SERPINB9: variants seen among roughly 807,000 people sequenced by gnomAD.
SERPINB9 encodes serpin B9.
SERPINB9 carries 20 observed loss-of-function variants against 27.2 expected under a neutral mutation model. The observed-to-expected ratio is 0.74, with a 90% CI of 0.52 to 1.07. The LOEUF (loss-of-function observed/expected upper bound fraction) is 1.07. Ranked by LOEUF, SERPINB9 falls within the 50% of genes least tolerant of loss-of-function variation. SERPINB9 has a pLI of 0.00. For synonymous variants in SERPINB9, 189 were observed against 180.0 expected, an observed-to-expected ratio of 1.05 and a Z score of -0.40; for missense variants, 476 against 460.1, an observed-to-expected ratio of 1.03 and a Z score of -0.32.
chr6:2,893,221 A>ATATAAT (rs1373009283), intron 5 of SERPINB9, among the ~76,000 whole-genome samples, 190 bp downstream of exon 5: 18 of 141,106 alleles, frequency 1.3e-4, no homozygotes, highest in East Asian at 4.0e-4. Context: ...ACGTATATAT[A>ATATAAT]ATATATATAT....
At chr6:2,892,900 G>A (rs1390561436) in intron 5 of SERPINB9, among the ~76,000 whole-genome samples, 1 of 151,746 alleles carries the variant, frequency 6.6e-6, no homozygotes, top group East Asian at 1.9e-4. Flanking sequence ...TTAAAAAGCT[G>A]TAAATACTGA....
intron 1 of SERPINB9, among the ~76,000 whole-genome samples, chr6:2,901,549 G>A (rs1224437974): frequency 1.3e-5 from 2 of 152,214 alleles, no homozygotes; most frequent in Non-Finnish European, 2.9e-5. Context: ...GGTGGTGCCT[G>A]TGAAGCCACT....
At chr6:2,898,546 A>G (rs759698113) in intron 2 of SERPINB9, among the ~76,000 whole-genome samples, 9 of 152,238 alleles carry the variant, frequency 5.9e-5, no homozygotes, top group Non-Finnish European at 8.8e-5. Context: ...GGCCGGGCGC[A>G]GTGGCTCACG....
intron 2 of SERPINB9, among the ~76,000 whole-genome samples, chr6:2,899,083 G>A (rs1419813463): frequency 1.3e-5 from 2 of 152,104 alleles, no homozygotes; most frequent in African/African-American, 2.4e-5. Context: ...GTTGAACACT[G>A]GAGCCATGGA....
rs202159163 is a variant in SERPINB9, at chr6:2,890,380, G to A, written c.914C>T (p.Ala305Val). 55 of 1,614,170 alleles carry A rather than the reference G, an allele frequency of 3.4e-5. No homozygotes were observed. The highest frequency in any genetic ancestry group is 5.5e-5 in the South Asian group (5 of 91,084). ...QGKADLSAMS[A>V]ERDLCLSKFV... The stretch of plus-strand genomic sequence containing the variant: ...CTTGGACAGACACAGGTCTCTCTCC[G>A]CTGACATTGCCGACAAGTCAGCCTT... Residue 305 changes from alanine (A) to valine (V), a missense_variant, in exon 7 of 7, where the codon GCG becomes GTG. Ala to Val is a moderately conservative substitution (Grantham distance 64). Coordinates refer to ENST00000380698, the MANE Select transcript of SERPINB9 (RefSeq NM_004155.6). This position sits in a 1 kb window ranked among gnomAD's most constrained non-coding sequence, Gnocchi z 6.2.
Position 2,891,825 on chromosome 6 carries a change from G to C in SERPINB9, c.723+8C>G. On this transcript the variant is annotated splice_region_variant and intron_variant, in intron 6 of 6. Transcript: ENST00000380698. This position sits in a 1 kb window ranked among gnomAD's most constrained non-coding sequence, Gnocchi z 4.0. ...GTCCCTGGGTTCTTCCCGCAGCCCG[G>C]GTCTTACCGTGCTGAGCTCCACGCC... 1 of 1,587,400 alleles carries C rather than the reference G, an allele frequency of 6.3e-7. No individual in the cohort carries two copies. Among genetic ancestry groups the C allele is most frequent in the Non-Finnish European group, 8.5e-7 (1 of 1,171,392 alleles).
rs1267426479 is a variant in SERPINB9, at chr6:2,890,885, C to A, written c.724-315G>T. On this transcript the variant is annotated intron_variant, in intron 6 of 6. Coordinates refer to ENST00000380698, the MANE Select transcript of SERPINB9 (RefSeq NM_004155.6). The surrounding 1 kb of genome is among the most constrained non-coding windows in gnomAD (Gnocchi z 6.2). ...TGCCCAGGCGACTGTGTTTTTTTTT[C>A]AAACATAGTCTTTTTAAAGACAACA... is the stretch of plus-strand genomic sequence containing the variant. Among the ~76,000 whole-genome samples, 2 of 151,408 alleles carry A rather than the reference C, an allele frequency of 1.3e-5. No homozygotes were observed. Among genetic ancestry groups the A allele is most frequent in the Admixed American group, 1.3e-4 (2 of 15,224 alleles).
Position 2,893,481 on chromosome 6 carries a change from T to A in SERPINB9, c.497A>T (p.Tyr166Phe), listed in dbSNP as rs1225509470. 1 of 1,613,510 alleles carries A rather than the reference T, an allele frequency of 6.2e-7. No individual in the cohort carries two copies. Among genetic ancestry groups the A allele is most frequent in the Non-Finnish European group, 8.5e-7 (1 of 1,179,664 alleles). ...ETRLVLVNAI[Y>F]FKGKWNEPFD... ...CGGTTCATTCCACTTTCCTTTGAAG[T>A]AGATGGCATTGACAAGAACCAGCCT... Residue 166 changes from tyrosine (Y) to phenylalanine (F), a missense_variant, in exon 5 of 7, where the codon TAC becomes TTC. Physicochemically the swap from Tyr to Phe is conservative, Grantham distance 22. Coordinates refer to ENST00000380698, the MANE Select transcript of SERPINB9 (RefSeq NM_004155.6).
Position 2,900,520 on chromosome 6 carries a change from G to C in SERPINB9, c.92C>G (p.Ser31Cys). The change falls in exon 2 of 7, where the codon TCT becomes TGT. Residue 31 changes from serine to cysteine, a missense_variant. Coordinates refer to ENST00000380698, the MANE Select transcript of SERPINB9 (RefSeq NM_004155.6). ...QDNPSHNVFC[S>C]PVSISSALAM... ...CAGGGCAGAGGAGATGCTCACAGGAGAACAGAACACGTTGTGCGAAGGGTT... is the reference window on the plus strand; with the variant it reads ...CAGGGCAGAGGAGATGCTCACAGGACAACAGAACACGTTGTGCGAAGGGTT... The C allele has an allele frequency of 6.2e-7, 1 of 1,614,194 alleles. No individual in the cohort carries two copies. Among genetic ancestry groups the C allele is most frequent in the Non-Finnish European group, 8.5e-7 (1 of 1,180,036 alleles).
rs546347377 is a variant in SERPINB9 at position 2,898,793 on chromosome 6, G to C, written c.168+1651C>G. On this transcript the variant is annotated intron_variant, in intron 2 of 6. Transcript: ENST00000380698. Reference sequence around the variant, plus strand: ...CGCACCACTGCACTCCAGCCTGGGCGACAGAGCAAGACTCTGTCTCGAAAA... The same window carrying C: ...CGCACCACTGCACTCCAGCCTGGGCCACAGAGCAAGACTCTGTCTCGAAAA... Among the ~76,000 whole-genome samples, 45 of 151,052 alleles carry C rather than the reference G, an allele frequency of 3.0e-4. 1 individual carries two copies. The highest frequency in any genetic ancestry group is 1.0e-3 in the African/African-American group (43 of 41,148).
At chr6:2,899,809 C>T (rs527459451) in intron 2 of SERPINB9, 25 of 363,792 alleles carry the variant, frequency 6.9e-5, no homozygotes, top group South Asian at 3.1e-4. Flanking sequence ...GCGTGTCCAG[C>T]GGCCTGCACT....
At chr6:2,900,885 T>TCTCACACACACACACACACACA (rs61100591) in intron 1 of SERPINB9, among the ~76,000 whole-genome samples, 5,965 of 141,438 alleles carry the variant, frequency 0.042, 204 homozygotes, top group East Asian at 0.099. Flanking sequence ...GCTCGCTCTC[T>TCTCACACACACACACACACACA]CACACACACA....
chr6:2,898,767 T>A (rs993255526), intron 2 of SERPINB9, among the ~76,000 whole-genome samples: 2 of 150,432 alleles, frequency 1.3e-5, no homozygotes, highest in Admixed American at 6.6e-5. Context: ...TAAGCTGAGA[T>A]CGCACCACTG....
chr6:2,887,508 G>C lies in SERPINB9; in HGVS notation c.*2655C>G, dbSNP rs945274952. Reference sequence around the variant, plus strand: ...AATAAAAGAAATGCAATAAGTATCTGCATATGATACATAATGTTGCAGATG... The same window carrying C: ...AATAAAAGAAATGCAATAAGTATCTCCATATGATACATAATGTTGCAGATG... On this transcript the variant is annotated 3_prime_UTR_variant, in exon 7 of 7. Coordinates refer to ENST00000380698, the MANE Select transcript of SERPINB9 (RefSeq NM_004155.6). 2.0e-5 allele frequency: 3 copies of C among 152,186 alleles called. No homozygotes were observed. Among genetic ancestry groups the C allele is most frequent in the African/African-American group, 7.2e-5 (3 of 41,440 alleles). The allele number at this position is 152,186 out of a possible 1,614,324, so 9.4% of individuals were successfully genotyped here.
intron 1 of SERPINB9, among the ~76,000 whole-genome samples, chr6:2,902,492 G>T (rs776861718): frequency 7.2e-5 from 11 of 152,216 alleles, no homozygotes; most frequent in Admixed American, 2.6e-4. Context: ...TTATTTTTTT[G>T]TTGTTGTTGG....
In SERPINB9 at chr6:2,890,150, G is replaced by C; in HGVS notation, c.*13C>G. On this transcript the variant is annotated 3_prime_UTR_variant, in exon 7 of 7. Coordinates refer to ENST00000380698, the MANE Select transcript of SERPINB9 (RefSeq NM_004155.6). This position sits in a 1 kb window ranked among gnomAD's most constrained non-coding sequence, Gnocchi z 6.2. ...GAAGAGGGAAATGGCCGAGTGCACGGTAAGTGCACCCTTTATGGCGATGAG... is the reference window on the plus strand; with the variant it reads ...GAAGAGGGAAATGGCCGAGTGCACGCTAAGTGCACCCTTTATGGCGATGAG... 3 of 1,603,944 alleles carry C rather than the reference G, an allele frequency of 1.9e-6. No homozygotes were observed. Among genetic ancestry groups the C allele is most frequent in the South Asian group, 2.2e-5 (2 of 90,724 alleles).
chr6:2,893,187 C>T (rs372296485), intron 5 of SERPINB9, among the ~76,000 whole-genome samples: 2 of 47,094 alleles, frequency 4.2e-5, no homozygotes, highest in South Asian at 1.5e-3. Flanking sequence ...TAAAACACTA[C>T]ATATATATAT....
intron 5 of SERPINB9, 108 bp from the exon 6 acceptor site, chr6:2,892,096 AG>A: frequency 2.5e-6 from 1 of 392,386 alleles, no homozygotes; most frequent in Non-Finnish European, 4.3e-6. Flanking sequence ...TTCATGCCCC[AG>A]TTAACACTAA....
chr6:2,894,935 TTGGGC>T lies in SERPINB9; in HGVS notation c.424+451_424+455del, dbSNP rs1767940791. 1.1e-5 allele frequency among the ~76,000 whole-genome samples: 1 copy of T among 91,890 alleles called. No individual in the cohort carries two copies. Among genetic ancestry groups the T allele is most frequent in the African/African-American group, 5.0e-5 (1 of 20,092 alleles). 60.3% of individuals were successfully genotyped at this position (91,890 alleles called of 152,430 possible). On this transcript the variant is annotated intron_variant, in intron 4 of 6. Coordinates refer to ENST00000380698, the MANE Select transcript of SERPINB9 (RefSeq NM_004155.6). The surrounding 1 kb of genome is among the most constrained non-coding windows in gnomAD (Gnocchi z 4.7). ...AATTTTTGTATTTTTAGTAGAGATG[TTGGGC>T]GGGGGGGGGTCCCACCATGTTGGTC...
Sources: allele counts gnomAD v4.1 joint callset (sites outside exome capture counted in the v4.1 genomes callset), GRCh38; gene constraint gnomAD v4.1.1; non-coding constraint Gnocchi (gnomAD v3.1); transcripts MANE v1.5; gene names NCBI Gene and HGNC (gene_info 2026-07-23, HGNC 2026-07-21).